Variants in ARHGEF7 observed in about 807,000 individuals in gnomAD.
ARHGEF7 encodes the protein PAK-interacting exchange factor beta.
ARHGEF7 carries 33 observed loss-of-function variants against 109.8 expected under a neutral mutation model. The ratio of observed to expected loss-of-function variants is 0.30; its 90% CI spans 0.23 to 0.40. The LOEUF (loss-of-function observed/expected upper bound fraction) is 0.40. ARHGEF7 is among the 10% of genes least tolerant of loss of function. ARHGEF7 has a pLI of 1.00. For missense variants in ARHGEF7, 938 were observed against 1,098.5 expected (o/e 0.85, Z 2.07); for synonymous variants, 458 against 424.6 (o/e 1.08, Z -0.97).
chr13:111,126,402 A>G (rs1050234264), intron 1 of ARHGEF7, among the ~76,000 whole-genome samples: 1 of 151,962 alleles, frequency 6.6e-6, no homozygotes, highest in Non-Finnish European at 1.5e-5. Context: ...AGACGGGAGA[A>G]TCACCTGAAT....
intron 19 of ARHGEF7, among the ~76,000 whole-genome samples, 196 bp from the exon 20 acceptor site, chr13:111,300,552 A>C (rs1198509791): frequency 6.6e-6 from 1 of 152,192 alleles, no homozygotes; most frequent in Admixed American, 6.5e-5. Context: ...TTTGGTCATG[A>C]GGAGGCCTGG....
chr13:111,163,035 T>C (rs745928093), intron 2 of ARHGEF7, among the ~76,000 whole-genome samples: 1 of 152,246 alleles, frequency 6.6e-6, no homozygotes, highest in Non-Finnish European at 1.5e-5. Context: ...AGGCATTCTT[T>C]TTAGCTGGGC....
At chr13:111,297,115 A>G (rs1345292395) in intron 19 of ARHGEF7, among the ~76,000 whole-genome samples, 1 of 152,238 alleles carries the variant, frequency 6.6e-6, no homozygotes, top group Non-Finnish European at 1.5e-5. Flanking sequence ...ATCGTTCTTT[A>G]AAGAAGTAGT....
At chr13:111,256,227 G>A (rs2090406631) in intron 8 of ARHGEF7, among the ~76,000 whole-genome samples, 1 of 152,190 alleles carries the variant, frequency 6.6e-6, no homozygotes, top group African/African-American at 2.4e-5. Flanking sequence ...CACTTGGAAG[G>A]CGATGGAGAA....
At chr13:111,121,953 G>A (rs921316924) in intron 1 of ARHGEF7, among the ~76,000 whole-genome samples, 2 of 152,230 alleles carry the variant, frequency 1.3e-5, no homozygotes, top group Non-Finnish European at 2.9e-5. Flanking sequence ...AGTAGTTACT[G>A]TTTTGTTGAT....
chr13:111,209,838 C>G, intron 3 of ARHGEF7, 34 bp from the exon 4 acceptor site: 5 of 1,606,854 alleles, frequency 3.1e-6, no homozygotes, highest in Non-Finnish European at 4.3e-6. Context: ...CAGGCGCTCT[C>G]AGCTCTCTTT....
chr13:111,191,337 T>C (rs1299956913), intron 2 of ARHGEF7, among the ~76,000 whole-genome samples: 1 of 152,148 alleles, frequency 6.6e-6, no homozygotes, highest in Non-Finnish European at 1.5e-5. Flanking sequence ...ACATGGAAAG[T>C]TAAGATGGTA....
At chr13:111,280,236 ATTG>A (rs773218078) in intron 13 of ARHGEF7, 33 bp from the exon 14 acceptor site, 2 of 1,521,270 alleles carry the variant, frequency 1.3e-6, no homozygotes, top group Non-Finnish European at 1.8e-6. Context: ...AAAAGCACTA[ATTG>A]TTTTTTTTTT....
intron 8 of ARHGEF7, chr13:111,265,469 T>G (rs1381516418): frequency 2.4e-6 from 1 of 422,918 alleles, no homozygotes; most frequent in Non-Finnish European, 4.8e-6. Context: ...TTCTCCTGAC[T>G]ATGACTTTCT....
At chr13:111,142,920 C>T (rs1035379584) in intron 1 of ARHGEF7, among the ~76,000 whole-genome samples, 57 of 152,344 alleles carry the variant, frequency 3.7e-4, no homozygotes, top group African/African-American at 1.3e-3. Flanking sequence ...GCATTAAACA[C>T]AGCTTTGAAG....
chr13:111,176,928 T>C (rs892131153), intron 2 of ARHGEF7, among the ~76,000 whole-genome samples: 56 of 152,340 alleles, frequency 3.7e-4, no homozygotes, highest in African/African-American at 1.3e-3. Context: ...CACTAATTTT[T>C]GTATTTTTAA....
intron 15 of ARHGEF7, 189 bp from the exon 16 acceptor site, chr13:111,282,950 T>G: frequency 2.5e-6 from 2 of 814,956 alleles, no homozygotes; most frequent in South Asian, 3.6e-5. Context: ...TCGGCCCAGG[T>G]GGCGCGAGCT....
At chr13:111,184,473 A>C (rs2079058699) in intron 2 of ARHGEF7, among the ~76,000 whole-genome samples, 1 of 151,866 alleles carries the variant, frequency 6.6e-6, no homozygotes, top group Non-Finnish European at 1.5e-5. Context: ...CTTGTTTAGC[A>C]CTCAGTTTGG....
chr13:111,159,799 T>C (rs1483448620), intron 2 of ARHGEF7, among the ~76,000 whole-genome samples: 2 of 152,222 alleles, frequency 1.3e-5, no homozygotes, highest in Non-Finnish European at 2.9e-5. Flanking sequence ...AATACTTTCT[T>C]TCCGTTCTGT....
chr13:111,241,297 C>A, intron 6 of ARHGEF7: 1 of 1,536,178 alleles, frequency 6.5e-7, no homozygotes, highest in Non-Finnish European at 8.7e-7. Context: ...GGTCCTGCAG[C>A]AGCCAGAGCG....
At chr13:111,256,025 A>G (rs2090379648) in intron 8 of ARHGEF7, among the ~76,000 whole-genome samples, 1 of 152,174 alleles carries the variant, frequency 6.6e-6, no homozygotes, top group Non-Finnish European at 1.5e-5. Flanking sequence ...TTTTTCCTAA[A>G]ATAGCTGGAG....
At chr13:111,220,647 G>C (rs1489445086) in intron 5 of ARHGEF7, among the ~76,000 whole-genome samples, 1 of 152,124 alleles carries the variant, frequency 6.6e-6, no homozygotes, top group Non-Finnish European at 1.5e-5. Flanking sequence ...AAGGCATCGT[G>C]AGCCCCCGCT....
At position 111,216,404 on chromosome 13, in the gene ARHGEF7, C is replaced by G. The variant is rs114970975; in HGVS notation, c.469-1275C>G. Among the ~76,000 whole-genome samples the G allele has an allele frequency of 9.1e-3, 1,391 of 152,144 alleles. 20 individuals are homozygous for G. Among genetic ancestry groups the G allele is most frequent in the African/African-American group, 0.032 (1,309 of 41,510 alleles). ...AAGCCAGTGTGGGCAGATGGAATCA[C>G]CTGCTGCCACCTGGTGGGGATAGAG... On this transcript the variant is annotated intron_variant, in intron 4 of 21. Transcript: ENST00000646102.
intron 4 of ARHGEF7, among the ~76,000 whole-genome samples, chr13:111,214,572 A>G (rs1399948916): frequency 1.3e-5 from 2 of 152,336 alleles, no homozygotes; most frequent in East Asian, 1.9e-4. Flanking sequence ...AGAACTTGAC[A>G]TAGCACAGTG....
Sources: gnomAD v4.1 joint callset for allele counts (sites outside exome capture counted in the v4.1 genomes callset) on GRCh38, gnomAD v4.1.1 for gene constraint, MANE v1.5 for transcripts, NCBI Gene and HGNC (gene_info 2026-07-23, HGNC 2026-07-21) for gene names.